Variants in HMCN1 observed in about 807,000 individuals in gnomAD.
HMCN1 encodes hemicentin 1.
A neutral mutation model predicts 625.9 loss-of-function variants in HMCN1; 321 were observed. The ratio of observed to expected loss-of-function variants is 0.51; its 90% CI spans 0.47 to 0.56. The LOEUF (loss-of-function observed/expected upper bound fraction) is 0.56, where lower values mean the gene tolerates loss of function less well. Ranked by LOEUF, HMCN1 falls within the 20% of genes least tolerant of loss-of-function variation. The pLI is 0.00. For missense variants in HMCN1, 6,588 were observed against 6,887.3 expected (o/e 0.96, Z 1.54); for synonymous variants, 2,425 against 2,417.6 (o/e 1.00, Z -0.09).
intron 36 of HMCN1, among the ~76,000 whole-genome samples, chr1:186,033,450 A>G (rs1332670397): frequency 6.6e-6 from 1 of 152,170 alleles, no homozygotes; most frequent in Non-Finnish European, 1.5e-5. Context: ...ATAAACATTA[A>G]CATAAATTGT....
intron 1 of HMCN1, among the ~76,000 whole-genome samples, chr1:185,828,324 G>T (rs1033603396): frequency 2.0e-5 from 3 of 152,040 alleles, no homozygotes; most frequent in Non-Finnish European, 2.9e-5. Flanking sequence ...ATAAGTGAGG[G>T]TCATGGTCTT....
chr1:186,095,482 G>A lies in HMCN1; in HGVS notation c.10534G>A (p.Ala3512Thr), dbSNP rs1324019532. The stretch of plus-strand genomic sequence containing the variant: ...GTACACCTGCATTGCCTCAAATGAA[G>A]CTGGAGAAGTCAGCAAGCACTTTAT... ...GKYTCIASNE[A>T]GEVSKHFILK... Residue 3512 changes from alanine (A) to threonine (T), a missense_variant, in exon 68 of 107, where the codon GCT (alanine) becomes ACT (threonine). By Grantham distance (58) the Ala-to-Thr change is moderately conservative. Transcript: ENST00000271588. The A allele has an allele frequency of 2.5e-6, 4 of 1,613,642 alleles. No individual in the cohort carries two copies. Among genetic ancestry groups the A allele is most frequent in the Non-Finnish European group, 1.7e-6 (2 of 1,179,720 alleles).
At chr1:185,891,321 A>C (rs1665065667) in intron 4 of HMCN1, among the ~76,000 whole-genome samples, 3 of 143,556 alleles carry the variant, frequency 2.1e-5, no homozygotes, top group Non-Finnish European at 1.5e-5. Flanking sequence ...ATTTAAAGTT[A>C]ATATTGTTAT....
At chr1:186,004,300 C>T (rs888603639) in intron 29 of HMCN1, among the ~76,000 whole-genome samples, 1 of 152,090 alleles carries the variant, frequency 6.6e-6, no homozygotes, top group Non-Finnish European at 1.5e-5. Flanking sequence ...GTGCCTACAT[C>T]GAAATGGCTG....
At chr1:186,159,181 C>G (rs1272366119) in intron 97 of HMCN1, among the ~76,000 whole-genome samples, 2 of 151,966 alleles carry the variant, frequency 1.3e-5, no homozygotes, top group Non-Finnish European at 2.9e-5. Flanking sequence ...GTATTTTATT[C>G]TCTTTGAAGC....
In HMCN1 at chr1:185,984,102, A is replaced by G. The variant is rs546943370; in HGVS notation, c.2791-67A>G. Reference sequence around the variant, plus strand: ...CCCAGTTGGGAAAAAAAGAAAAAGCAGGTTCATTTTTGACTCTCACAAATC... The same window carrying G: ...CCCAGTTGGGAAAAAAAGAAAAAGCGGGTTCATTTTTGACTCTCACAAATC... On this transcript the variant is annotated intron_variant, in intron 18 of 106. Coordinates refer to ENST00000271588, the MANE Select transcript of HMCN1 (RefSeq NM_031935.3). 13 of 1,281,988 alleles carry G rather than the reference A, an allele frequency of 1.0e-5. No homozygotes were observed. In the African/African-American group the frequency reaches 1.3e-4, roughly 13 times the overall value. 79.4% of individuals were successfully genotyped at this position (1,281,988 alleles called of 1,614,324 possible).
At chr1:186,112,671 GA>G in intron 71 of HMCN1, 140 bp from the exon 72 acceptor site, 2 of 1,027,034 alleles carry the variant, frequency 1.9e-6, no homozygotes, top group Non-Finnish European at 2.9e-6. Flanking sequence ...TTGATACTAC[GA>G]AAATGGTGGA....
chr1:185,904,575 G>A (rs1338715093), intron 4 of HMCN1, among the ~76,000 whole-genome samples: 2 of 151,640 alleles, frequency 1.3e-5, no homozygotes, highest in Non-Finnish European at 3.0e-5. Flanking sequence ...CTTGAAAATT[G>A]TCATTTTTTT....
Position 186,045,681 on chromosome 1 carries a change from C to T in HMCN1, c.6305-7C>T. 1.2e-6 allele frequency: 2 copies of T among 1,611,570 alleles called. No homozygotes were observed. Among genetic ancestry groups the T allele is most frequent in the Non-Finnish European group, 1.7e-6 (2 of 1,177,920 alleles). ...TTATCCTGAAAGAAAACCCATCTTTCATGTAGTTCCGCCAAATATTATGGG... is the reference window on the plus strand; with the variant it reads ...TTATCCTGAAAGAAAACCCATCTTTTATGTAGTTCCGCCAAATATTATGGG... On this transcript the variant is annotated splice_region_variant and splice_polypyrimidine_tract_variant and intron_variant, in intron 40 of 106. Transcript: ENST00000271588.
chr1:186,141,258 C>T (rs576199356), intron 89 of HMCN1, among the ~76,000 whole-genome samples: 37 of 152,260 alleles, frequency 2.4e-4, no homozygotes, highest in African/African-American at 8.7e-4. Context: ...GCTCGCTTGC[C>T]AAGCGATCCG....
At chr1:186,076,763 A>T in intron 54 of HMCN1, 141 bp downstream of exon 54, 1 of 776,574 alleles carries the variant, frequency 1.3e-6, no homozygotes, top group Non-Finnish European at 2.2e-6. Context: ...ACTGGCATCC[A>T]CGTAGCTTCA....
chr1:186,166,363 A>G (rs2102621610), intron 99 of HMCN1, 60 bp downstream of exon 99: 4 of 1,601,166 alleles, frequency 2.5e-6, no homozygotes, highest in Non-Finnish European at 3.4e-6. Context: ...TTGACCTAGA[A>G]AAAGTATGAT....
At position 186,023,055 on chromosome 1, in the gene HMCN1, A is replaced by G. The variant is rs142871818; in HGVS notation, c.5651A>G (p.Gln1884Arg). The part of the protein sequence containing the change: ...LKIQSSGRVL[Q>R]IAKTLLEDAG... ...ATACAGTCTTCTGGTCGAGTTCTAC[A>G]AATTGCCAAAACCCTGTTGGAAGAT... Residue 1884 changes from glutamine (Q) to arginine (R), a missense_variant, in exon 36 of 107, where the codon CAA becomes CGA. Transcript: ENST00000271588. The G allele has an allele frequency of 1.9e-6, 3 of 1,613,564 alleles. No individual in the cohort carries two copies. The highest frequency in any genetic ancestry group is 2.5e-6 in the Non-Finnish European group (3 of 1,179,590).
intron 46 of HMCN1, among the ~76,000 whole-genome samples, chr1:186,058,955 C>G (rs1239772162): frequency 6.6e-6 from 1 of 151,926 alleles, no homozygotes; most frequent in East Asian, 1.9e-4. Flanking sequence ...TATTTATGAC[C>G]TCAGACTAGT....
rs1652279102 is a variant in HMCN1 at position 185,989,714 on chromosome 1, C to T, written c.3208+67C>T. The T allele has an allele frequency of 3.4e-6, 5 of 1,463,780 alleles. No homozygotes were observed. In the South Asian group the frequency reaches 3.5e-5, roughly 10 times the overall value. The allele number at this position is 1,463,780 out of a possible 1,614,324, so 90.7% of individuals were successfully genotyped here. A position where few individuals can be genotyped will look rare whatever the true frequency, so the allele number is the denominator to read the frequency against. ...TCTGTGCCAAAACTCACAGTTCTTTCCCCAATACTGTTACCAGATGCATGT... is the reference window on the plus strand; with the variant it reads ...TCTGTGCCAAAACTCACAGTTCTTTTCCCAATACTGTTACCAGATGCATGT... On this transcript the variant is annotated intron_variant, in intron 21 of 106. Coordinates refer to ENST00000271588, the MANE Select transcript of HMCN1 (RefSeq NM_031935.3).
chr1:186,085,732 T>A (rs867527892), intron 57 of HMCN1, among the ~76,000 whole-genome samples: 7 of 152,028 alleles, frequency 4.6e-5, no homozygotes, highest in Non-Finnish European at 7.4e-5. Context: ...GTTCCTGCCA[T>A]TTCTTTCTTC....
At chr1:185,886,591 G>GTT (rs879394487) in intron 4 of HMCN1, among the ~76,000 whole-genome samples, 1 of 144,522 alleles carries the variant, frequency 6.9e-6, no homozygotes. Flanking sequence ...AAAGCATGTA[G>GTT]TTTTTTTTTT....
chr1:186,117,462 C>T lies in HMCN1; in HGVS notation c.11687C>T (p.Pro3896Leu), dbSNP rs761533889. The change falls in exon 77 of 107, where the codon CCA (proline) becomes CTA (leucine). Residue 3896 changes from proline (P) to leucine (L), a missense_variant. This residue lies in a region of HMCN1 where 4,628 missense variants were observed against 4,853.1 expected (regional missense o/e 0.95). Transcript: ENST00000271588. ...TTTGTTGTTGTTGTTGTTTTAGTTC[C>T]ACCTTCCATAGCTGATGAGCCTACA... ...KRTVDLTVQVPPSIADEPTDF... is the reference protein window; with the variant it reads ...KRTVDLTVQVLPSIADEPTDF... The T allele has an allele frequency of 5.6e-6, 9 of 1,613,424 alleles. No homozygotes were observed. The highest frequency in any genetic ancestry group is 6.8e-6 in the Non-Finnish European group (8 of 1,179,638).
At chr1:185,793,692 A>G (rs1189323993) in intron 1 of HMCN1, among the ~76,000 whole-genome samples, 2 of 152,228 alleles carry the variant, frequency 1.3e-5, no homozygotes, top group Non-Finnish European at 1.5e-5. Flanking sequence ...AATTGATATC[A>G]AATATTTAAA....
Sources: allele counts gnomAD v4.1 joint callset (sites outside exome capture counted in the v4.1 genomes callset), GRCh38; gene constraint gnomAD v4.1.1; regional missense constraint gnomAD v4.1.1; transcripts MANE v1.5; gene names NCBI Gene and HGNC (gene_info 2026-07-23, HGNC 2026-07-21).